BMPR2: variants seen among roughly 807,000 people sequenced by gnomAD.
BMPR2 encodes the protein bone morphogenetic protein receptor type-2.
A neutral mutation model predicts 100.8 loss-of-function variants in BMPR2; 29 were observed. The ratio of observed to expected loss-of-function variants is 0.29; its 90% confidence interval spans 0.21 to 0.39. The LOEUF is 0.39. BMPR2 is among the 10% of genes least tolerant of loss of function. BMPR2 has a pLI of 1.00. For missense variants in BMPR2, 1,011 were observed against 1,274.5 expected (o/e 0.79, Z 3.15); for synonymous variants, 382 against 442.3 (o/e 0.86, Z 1.71).
At chr2:202,493,389 A>G (rs1692950220) in intron 3 of BMPR2, among the ~76,000 whole-genome samples, 1 of 152,104 alleles carries the variant, frequency 6.6e-6, no homozygotes, top group South Asian at 2.1e-4. Flanking sequence ...ATTAAAGTAG[A>G]ATTATACCAA....
At chr2:202,426,311 T>C (rs1256452842) in intron 1 of BMPR2, among the ~76,000 whole-genome samples, 2 of 152,130 alleles carry the variant, frequency 1.3e-5, no homozygotes, top group Non-Finnish European at 2.9e-5. Context: ...CCGGGTACGG[T>C]GGCTCACGCC....
chr2:202,471,317 A>T (rs1692432907), intron 3 of BMPR2, among the ~76,000 whole-genome samples: 1 of 152,220 alleles, frequency 6.6e-6, no homozygotes, highest in Non-Finnish European at 1.5e-5. Flanking sequence ...TAAGGATTGG[A>T]TCAGGCAAGA....
At chr2:202,490,527 A>C (rs543393870) in intron 3 of BMPR2, among the ~76,000 whole-genome samples, 1 of 152,248 alleles carries the variant, frequency 6.6e-6, no homozygotes. Context: ...CCACAATGAT[A>C]TAAATAAAAA....
chr2:202,532,451 A>G lies in BMPR2; in HGVS notation c.1129-134A>G. 1 of 1,077,938 alleles carries G rather than the reference A, an allele frequency of 9.3e-7. No homozygotes were observed. Among genetic ancestry groups the G allele is most frequent in the Non-Finnish European group, 1.3e-6 (1 of 744,070 alleles). The allele number at this position is 1,077,938 out of a possible 1,614,324, so 66.8% of individuals were successfully genotyped here. On this transcript the variant is annotated intron_variant, in intron 8 of 12. Transcript: ENST00000374580. This position sits in a 1 kb window ranked among gnomAD's most constrained non-coding sequence, Gnocchi z 4.1. ...ATTTTATAGGTAAAAAATAAGTTATAGAAAGGTTTAATGACATGGTTAGGG... is the reference window on the plus strand; with the variant it reads ...ATTTTATAGGTAAAAAATAAGTTATGGAAAGGTTTAATGACATGGTTAGGG...
intron 3 of BMPR2, among the ~76,000 whole-genome samples, chr2:202,494,572 A>G (rs1286916988): frequency 6.6e-6 from 1 of 152,202 alleles, no homozygotes; most frequent in African/African-American, 2.4e-5. Context: ...AAGCCCAACT[A>G]TTGCACAGGC....
chr2:202,521,285 G>A (rs1220709386), intron 7 of BMPR2, among the ~76,000 whole-genome samples: 5 of 152,168 alleles, frequency 3.3e-5, no homozygotes, highest in South Asian at 2.1e-4. Flanking sequence ...TTGGCAGCCC[G>A]GGCGTGATTG....
chr2:202,391,660 C>T (rs576911419), intron 1 of BMPR2, among the ~76,000 whole-genome samples: 1 of 151,942 alleles, frequency 6.6e-6, no homozygotes, highest in East Asian at 1.9e-4. Context: ...AATCTCAGTT[C>T]ACTGCAGCGT....
At chr2:202,434,908 A>AAAAAAATAATATATATATATAT (rs1559037398) in intron 1 of BMPR2, among the ~76,000 whole-genome samples, 1 of 38,414 alleles carries the variant, frequency 2.6e-5, no homozygotes, top group African/African-American at 1.1e-4. Flanking sequence ...AAAAAAAAAA[A>AAAAAAATAATATATATATATAT]ATATATATAT....
intron 1 of BMPR2, among the ~76,000 whole-genome samples, chr2:202,454,326 C>T (rs1169969499): frequency 1.3e-5 from 2 of 152,154 alleles, no homozygotes; most frequent in Non-Finnish European, 2.9e-5. Flanking sequence ...CCACCTTGGC[C>T]TCCCAAAGTG....
rs1553584009 is a variant in BMPR2 at position 202,376,545 on chromosome 2, G to GGCGGCGGCGGCGGCGGCGGCA, written c.-928_-927insGGCGGCGGCGGCGGCGGCAGC. On this transcript the variant is annotated 5_prime_UTR_variant, in exon 1 of 13. Transcript: ENST00000374580. ...CGGCGGCGGCGGCGGCGGCGGCGGC[G>GGCGGCGGCGGCGGCGGCGGCA]GCAGCAGCAGCGGCTTCCTCGGGGG... is the stretch of plus-strand genomic sequence containing the variant. Among the ~76,000 whole-genome samples, 5 of 140,582 alleles carry GGCGGCGGCGGCGGCGGCGGCA rather than the reference G, an allele frequency of 3.6e-5. No homozygotes were observed. The highest frequency in any genetic ancestry group is 5.3e-5 in the African/African-American group (2 of 37,724). 92.2% of individuals were successfully genotyped at this position (140,582 alleles called of 152,430 possible).
intron 1 of BMPR2, among the ~76,000 whole-genome samples, chr2:202,427,110 G>C (rs576769296): frequency 6.6e-6 from 1 of 152,300 alleles, no homozygotes; most frequent in South Asian, 2.1e-4. Flanking sequence ...CAAAACTTTA[G>C]GAGGCCGAGG....
At chr2:202,540,368 T>A (rs1688248656) in intron 9 of BMPR2, among the ~76,000 whole-genome samples, 2 of 152,164 alleles carry the variant, frequency 1.3e-5, no homozygotes, top group Non-Finnish European at 2.9e-5. Flanking sequence ...CACATGGGGT[T>A]TCAAGGAAGA....
rs972619111 is a variant in BMPR2 at position 202,444,247 on chromosome 2, AAT to A, written c.77-20561_77-20560del. On this transcript the variant is annotated intron_variant, in intron 1 of 12. Transcript: ENST00000374580. ...ATAAAAGAAGTAGGTTACTGCTTTA[AAT>A]TATTGCTAAATAATTCTCAGGGCAG... Among the ~76,000 whole-genome samples the A allele has an allele frequency of 1.4e-4, 21 of 150,934 alleles. 2 individuals carry two copies. Among genetic ancestry groups the A allele is most frequent in the African/African-American group, 4.7e-4 (19 of 40,256 alleles).
chr2:202,451,527 C>T (rs967449659), intron 1 of BMPR2, among the ~76,000 whole-genome samples: 6 of 152,004 alleles, frequency 3.9e-5, no homozygotes, highest in African/African-American at 1.2e-4. Context: ...GGCAAAACCC[C>T]GTCTCTACTA....
intron 8 of BMPR2, 100 bp downstream of exon 8, chr2:202,531,054 G>A (rs1470100943): frequency 6.9e-7 from 1 of 1,450,952 alleles, no homozygotes; most frequent in Non-Finnish European, 9.5e-7. Flanking sequence ...TGTAATCCCA[G>A]CACTTTGGTA....
chr2:202,399,003 C>T (rs1174029442), intron 1 of BMPR2, among the ~76,000 whole-genome samples: 1 of 152,136 alleles, frequency 6.6e-6, no homozygotes, highest in Non-Finnish European at 1.5e-5. Flanking sequence ...TGGCGCATGC[C>T]TGTAACCCTA....
At chr2:202,497,593 C>T (rs977244662) in intron 3 of BMPR2, among the ~76,000 whole-genome samples, 8 of 152,124 alleles carry the variant, frequency 5.3e-5, no homozygotes, top group South Asian at 2.1e-4. Flanking sequence ...CATGCAGCTC[C>T]GGGGTCCCAA....
chr2:202,542,608 G>T (rs1478643007), intron 10 of BMPR2, among the ~76,000 whole-genome samples, 161 bp downstream of exon 10: 2 of 151,926 alleles, frequency 1.3e-5, no homozygotes, highest in Non-Finnish European at 2.9e-5. Flanking sequence ...TTTTCAATAT[G>T]AAAAAAAGTC....
chr2:202,485,897 A>G (rs550077532), intron 3 of BMPR2, among the ~76,000 whole-genome samples: 1 of 151,970 alleles, frequency 6.6e-6, no homozygotes, highest in Non-Finnish European at 1.5e-5. Context: ...GAACCACCAT[A>G]TGCAGGATGA....
Sources: gnomAD v4.1 joint callset for allele counts (sites outside exome capture counted in the v4.1 genomes callset) on GRCh38, gnomAD v4.1.1 for gene constraint, Gnocchi (gnomAD v3.1) non-coding constraint, MANE v1.5 for transcripts, NCBI Gene and HGNC (gene_info 2026-07-23, HGNC 2026-07-21) for gene names.